IL18: variants seen among roughly 807,000 people sequenced by gnomAD.
IL18 encodes interleukin 18.
In IL18, 8 loss-of-function variants were observed where a neutral mutation model predicts 14.2. The ratio of observed to expected loss-of-function variants is 0.56; its 90% CI spans 0.33 to 1.01. The LOEUF is 1.01. Ranked by LOEUF, IL18 falls within the 50% of genes least tolerant of loss-of-function variation. The pLI, the probability that IL18 is intolerant of heterozygous loss-of-function variation, is 0.03. For missense variants in IL18, 166 were observed against 231.1 expected (o/e 0.72, Z 1.83); for synonymous variants, 67 against 71.0 (o/e 0.94, Z 0.28).
chr11:112,145,599 C>T (rs1449571561), intron 5 of IL18, among the ~76,000 whole-genome samples: 2 of 152,052 alleles, frequency 1.3e-5, no homozygotes, highest in Non-Finnish European at 2.9e-5. Context: ...ATTAGCTGGG[C>T]ATGGTGGCAG....
At chr11:112,151,526 G>T (rs937432023) in intron 3 of IL18, among the ~76,000 whole-genome samples, 3 of 152,052 alleles carry the variant, frequency 2.0e-5, no homozygotes, top group African/African-American at 4.8e-5. Flanking sequence ...TTTATTTTGA[G>T]ATTTAAAACT....
chr11:112,144,216 T>G (rs1472596315), intron 5 of IL18, among the ~76,000 whole-genome samples: 1 of 152,162 alleles, frequency 6.6e-6, no homozygotes, highest in Non-Finnish European at 1.5e-5. Context: ...TCCCACAAAC[T>G]TAGGCTAGTT....
intron 3 of IL18, among the ~76,000 whole-genome samples, chr11:112,151,714 C>G (rs1465444599): frequency 1.3e-5 from 2 of 152,198 alleles, no homozygotes; most frequent in Non-Finnish European, 2.9e-5. Context: ...GATCACCAAA[C>G]TCCTTGTTGC....
intron 5 of IL18, among the ~76,000 whole-genome samples, chr11:112,146,494 T>A (rs563961684): frequency 5.5e-4 from 83 of 152,264 alleles, no homozygotes; most frequent in African/African-American, 1.9e-3. Context: ...CTAATTTTTG[T>A]ATTTTTTTTA....
intron 1 of IL18, among the ~76,000 whole-genome samples, chr11:112,161,961 G>A (rs1866639637): frequency 6.6e-6 from 1 of 152,148 alleles, no homozygotes; most frequent in Non-Finnish European, 1.5e-5. Context: ...AATTACCTGA[G>A]ATCAGGTAGG....
At chr11:112,154,509 GAA>G (rs112713245) in intron 2 of IL18, among the ~76,000 whole-genome samples, 27 of 120,808 alleles carry the variant, frequency 2.2e-4, no homozygotes, top group African/African-American at 5.7e-4. Context: ...CTGGGCAACA[GAA>G]AAAAAAAAAA....
At chr11:112,154,668 T>C (rs188451847) in intron 2 of IL18, among the ~76,000 whole-genome samples, 6 of 152,348 alleles carry the variant, frequency 3.9e-5, no homozygotes, top group Admixed American at 2.6e-4. Flanking sequence ...CTGGGATTTT[T>C]CCCATGGAAA....
intron 3 of IL18, chr11:112,153,184 CG>C (rs5744252): frequency 0.82 from 131,501 of 160,626 alleles, 54,497 homozygotes; most frequent in South Asian, 0.9. Flanking sequence ...ACCACCAACC[CG>C]GGAACCTTCC....
At chr11:112,152,198 A>T (rs760170072) in intron 3 of IL18, among the ~76,000 whole-genome samples, 57 of 152,114 alleles carry the variant, frequency 3.7e-4, no homozygotes, top group Non-Finnish European at 7.5e-4. Flanking sequence ...TTCCTATTTC[A>T]CTGAATGGTA....
In IL18 at chr11:112,143,819, T is replaced by A. The variant is rs1387822332; in HGVS notation, c.361-2A>T. 6.4e-7 allele frequency: 1 copy of A among 1,555,326 alleles called. No individual in the cohort carries two copies. Among genetic ancestry groups the A allele is most frequent in the Non-Finnish European group, 8.8e-7 (1 of 1,138,522 alleles). ...GATGTTATCAGGAGGATTCATTTCC[T>A]ATAGAGAAAAAAACATTACCTAATT... On this transcript the variant is annotated splice_acceptor_variant, in intron 5 of 5. Transcript: ENST00000280357. LOFTEE classifies it high-confidence loss of function.
Position 112,143,629 on chromosome 11 carries a change from T to C in IL18, c.549A>G (p.Arg183=). 1 of 1,612,480 alleles carries C rather than the reference T, an allele frequency of 6.2e-7. No individual in the cohort carries two copies. The highest frequency in any genetic ancestry group is 8.5e-7 in the Non-Finnish European group (1 of 1,178,938). ...ILKKEDELGD[R]SIMFTVQNED ...CGTTTTGAACAGTGAACATTATAGA[T>C]CTATCCCCCAATTCATCCTCTTTTT... Residue 183 remains arginine, a synonymous_variant, in exon 6 of 6, where the codon AGA becomes AGG. Transcript: ENST00000280357.
intron 3 of IL18, chr11:112,151,139 TAAC>T (rs1268147552): frequency 1.3e-5 from 2 of 152,188 alleles, no homozygotes; most frequent in Non-Finnish European, 2.9e-5. Flanking sequence ...ACATTGTTAA[TAAC>T]AACAACAAAC....
chr11:112,151,740 T>G (rs1866442527), intron 3 of IL18, among the ~76,000 whole-genome samples: 1 of 152,222 alleles, frequency 6.6e-6, no homozygotes, highest in Non-Finnish European at 1.5e-5. Context: ...CTAAAAGCTG[T>G]GTTCTGGCCC....
chr11:112,163,515 G>A (rs1866669451), intron 1 of IL18, among the ~76,000 whole-genome samples: 2 of 152,042 alleles, frequency 1.3e-5, no homozygotes, highest in East Asian at 1.9e-4. Context: ...CAAAGCAGAT[G>A]AGAATCCAGC....
Position 112,143,835 on chromosome 11 carries a change from T to C in IL18, c.361-18A>G. The C allele has an allele frequency of 1.4e-6, 2 of 1,427,238 alleles. No homozygotes were observed. Among genetic ancestry groups the C allele is most frequent in the Non-Finnish European group, 1.9e-6 (2 of 1,026,620 alleles). The allele number at this position is 1,427,238 out of a possible 1,614,324, so 88.4% of individuals were successfully genotyped here. A position where few individuals can be genotyped will look rare whatever the true frequency, so the allele number is the denominator to read the frequency against. On this transcript the variant is annotated intron_variant, in intron 5 of 5. Coordinates refer to ENST00000280357, the MANE Select transcript of IL18 (RefSeq NM_001562.4). Reference sequence around the variant, plus strand: ...TTCATTTCCTATAGAGAAAAAAACATTACCTAATTATTTCAGGACATGAAC... The same window carrying C: ...TTCATTTCCTATAGAGAAAAAAACACTACCTAATTATTTCAGGACATGAAC...
At chr11:112,162,066 G>T (rs374590677) in intron 1 of IL18, among the ~76,000 whole-genome samples, 7 of 152,286 alleles carry the variant, frequency 4.6e-5, no homozygotes, top group African/African-American at 1.7e-4. Flanking sequence ...ATGAATGCGT[G>T]TATGTGAGTG....
intron 1 of IL18, among the ~76,000 whole-genome samples, chr11:112,161,485 T>C (rs1356943354): frequency 6.6e-6 from 1 of 152,234 alleles, no homozygotes; most frequent in Non-Finnish European, 1.5e-5. Context: ...CCAGCATTGT[T>C]AAGCCACTAA....
At chr11:112,149,543 A>G (rs1164143198) in intron 4 of IL18, among the ~76,000 whole-genome samples, 3 of 128,496 alleles carry the variant, frequency 2.3e-5, no homozygotes, top group African/African-American at 8.7e-5. Flanking sequence ...AGACTTGATC[A>G]TTTTCTTTTC....
chr11:112,155,473 G>A (rs915468522), intron 1 of IL18, among the ~76,000 whole-genome samples: 2 of 152,102 alleles, frequency 1.3e-5, no homozygotes, highest in Non-Finnish European at 2.9e-5. Context: ...TCCTATGGGT[G>A]AGAGGCTGAA....
Sources: allele counts gnomAD v4.1 joint callset (sites outside exome capture counted in the v4.1 genomes callset), GRCh38; gene constraint gnomAD v4.1.1; transcripts MANE v1.5; gene names NCBI Gene and HGNC (gene_info 2026-07-23, HGNC 2026-07-21).